The following TRIM24 variants were observed in gnomAD, a reference collection of about 807,000 sequenced individuals.
TRIM24 encodes the protein transcription intermediary factor 1-alpha.
TRIM24 carries 29 observed loss-of-function variants against 123.9 expected under a neutral mutation model. That is an observed-to-expected ratio of 0.23 (90% confidence interval 0.17 to 0.32). TRIM24 has a LOEUF of 0.32. TRIM24 is among the 10% of genes least tolerant of loss of function. TRIM24 has a pLI of 1.00. For missense variants in TRIM24, 932 were observed against 1,295.3 expected, an observed-to-expected ratio of 0.72 and a Z score of 4.31; for synonymous variants, 456 against 461.1, an observed-to-expected ratio of 0.99 and a Z score of 0.14.
intron 3 of TRIM24, 69 bp from the exon 4 acceptor site, chr7:138,519,120 G>T (rs1477182405): frequency 6.4e-7 from 1 of 1,570,390 alleles, no homozygotes; most frequent in East Asian, 2.3e-5. Flanking sequence ...ATTCAAATGA[G>T]CAATCTAATA....
chr7:138,515,125 A>C, intron 2 of TRIM24, 87 bp from the exon 3 acceptor site: 8 of 1,322,386 alleles, frequency 6.0e-6, no homozygotes, highest in Non-Finnish European at 8.2e-6. Context: ...TTAGCCTGGT[A>C]CAATTGGTGT....
intron 8 of TRIM24, among the ~76,000 whole-genome samples, chr7:138,551,776 G>A (rs1214591741): frequency 2.0e-5 from 3 of 152,100 alleles, no homozygotes; most frequent in Non-Finnish European, 4.4e-5. Context: ...TATCCTGAAA[G>A]TTTTATTTTA....
chr7:138,532,641 T>C (rs1171059346), intron 6 of TRIM24, among the ~76,000 whole-genome samples: 4 of 152,210 alleles, frequency 2.6e-5, no homozygotes, highest in Non-Finnish European at 4.4e-5. Flanking sequence ...TGAAGTCAGG[T>C]AGTGTGATGT....
At chr7:138,555,043 C>T in intron 9 of TRIM24, 77 bp downstream of exon 9, 1 of 1,425,118 alleles carries the variant, frequency 7.0e-7, no homozygotes, top group Admixed American at 2.1e-5. Flanking sequence ...ATAACAAAGA[C>T]ATCCATTTTC....
intron 1 of TRIM24, among the ~76,000 whole-genome samples, chr7:138,477,180 G>A (rs947751907): frequency 6.6e-5 from 10 of 152,090 alleles, no homozygotes; most frequent in Non-Finnish European, 1.2e-4. Flanking sequence ...CGGAGGCCAG[G>A]CATGGTGGCT....
At chr7:138,463,988 A>ATTTTTTTTTTTTTTT (rs1359459460) in intron 1 of TRIM24, among the ~76,000 whole-genome samples, 15 of 32,100 alleles carry the variant, frequency 4.7e-4, no homozygotes, top group African/African-American at 8.0e-4. Context: ...AAAAATTTAG[A>ATTTTTTTTTTTTTTT]CTTTTTTTTT....
At chr7:138,463,347 C>T (rs1795056627) in intron 1 of TRIM24, among the ~76,000 whole-genome samples, 1 of 152,078 alleles carries the variant, frequency 6.6e-6, no homozygotes. Context: ...ACCTCTGCCT[C>T]CCTGGTTCAA....
chr7:138,479,962 A>G (rs969951074), intron 1 of TRIM24, among the ~76,000 whole-genome samples: 3 of 151,080 alleles, frequency 2.0e-5, no homozygotes, highest in Admixed American at 6.6e-5. Context: ...GGGATTACAG[A>G]CATGCGCCAA....
chr7:138,532,273 G>A (rs1796764329), intron 6 of TRIM24, among the ~76,000 whole-genome samples: 1 of 152,104 alleles, frequency 6.6e-6, no homozygotes, highest in South Asian at 2.1e-4. Flanking sequence ...TGGTGTTTTA[G>A]ACATGAAGTC....
Position 138,583,821 on chromosome 7 carries a change from T to G in TRIM24, c.2794-29T>G, listed in dbSNP as rs1797956127. 2.1e-6 allele frequency: 3 copies of G among 1,445,096 alleles called. No homozygotes were observed. In the South Asian group the frequency reaches 3.8e-5, roughly 19 times the overall value. 89.5% of individuals were successfully genotyped at this position (1,445,096 alleles called of 1,614,324 possible). The stretch of plus-strand genomic sequence containing the variant: ...TAGGACAAGGTGGAATTTAGCTATT[T>G]GTATTATAACATCTCATTTTTTTAA... On this transcript the variant is annotated intron_variant, in intron 17 of 18. Transcript: ENST00000343526.
chr7:138,550,514 A>C (rs1797189771), intron 7 of TRIM24, among the ~76,000 whole-genome samples: 2 of 152,114 alleles, frequency 1.3e-5, no homozygotes, highest in South Asian at 4.1e-4. Context: ...AGGGAGAATG[A>C]GTAGATGTTC....
At chr7:138,536,078 A>G (rs1796866201) in intron 6 of TRIM24, among the ~76,000 whole-genome samples, 1 of 152,148 alleles carries the variant, frequency 6.6e-6, no homozygotes, top group African/African-American at 2.4e-5. Flanking sequence ...GGGTCATTTT[A>G]GGACTTCTCT....
chr7:138,487,219 C>G (rs915194177), intron 1 of TRIM24, among the ~76,000 whole-genome samples: 7 of 152,184 alleles, frequency 4.6e-5, no homozygotes, highest in African/African-American at 1.7e-4. Context: ...AGTTGCTTAT[C>G]AGCTTAAGGA....
chr7:138,523,738 G>A (rs1286256642), intron 4 of TRIM24, among the ~76,000 whole-genome samples: 2 of 127,486 alleles, frequency 1.6e-5, no homozygotes, highest in East Asian at 2.5e-4. Flanking sequence ...GCGACAGAGC[G>A]AGACTCCGTC....
chr7:138,547,281 A>G (rs1020952768), intron 7 of TRIM24, among the ~76,000 whole-genome samples: 1 of 152,178 alleles, frequency 6.6e-6, no homozygotes, highest in South Asian at 2.1e-4. Context: ...AGGCTGCAAA[A>G]TTTCAATTAG....
intron 1 of TRIM24, among the ~76,000 whole-genome samples, chr7:138,491,638 G>A (rs538926891): frequency 4.4e-4 from 67 of 152,178 alleles, no homozygotes; most frequent in African/African-American, 1.6e-3. Context: ...ATACTGCTAC[G>A]AACATTGGTG....
chr7:138,483,250 A>AT (rs544636932), intron 1 of TRIM24, among the ~76,000 whole-genome samples: 2 of 151,822 alleles, frequency 1.3e-5, no homozygotes, highest in Admixed American at 6.6e-5. Flanking sequence ...ATGTTAAAAA[A>AT]TTTTTTTTTC....
intron 4 of TRIM24, among the ~76,000 whole-genome samples, chr7:138,524,271 A>C (rs184745092): frequency 1.3e-3 from 204 of 152,304 alleles, no homozygotes; most frequent in African/African-American, 4.8e-3. Context: ...AAACGTACTT[A>C]ATATTGGAAT....
chr7:138,508,676 T>TGTGC (rs1554436579), intron 2 of TRIM24, among the ~76,000 whole-genome samples: 1 of 55,818 alleles, frequency 1.8e-5, no homozygotes, highest in Non-Finnish European at 3.8e-5. Context: ...TGTGTGTGTG[T>TGTGC]GTGTGTGTGT....
Sources: gnomAD v4.1 joint callset for allele counts (sites outside exome capture counted in the v4.1 genomes callset) on GRCh38, gnomAD v4.1.1 for gene constraint, MANE v1.5 for transcripts, NCBI Gene and HGNC (gene_info 2026-07-23, HGNC 2026-07-21) for gene names.